The following FMR1 variants were observed in gnomAD, a reference collection of about 807,000 sequenced individuals.
FMR1 encodes the protein FMRP translational regulator 1.
In FMR1, 13 loss-of-function variants were observed where a neutral mutation model predicts 50.6. The ratio of observed to expected loss-of-function variants is 0.26; its 90% CI spans 0.17 to 0.41. FMR1 has a LOEUF of 0.41. FMR1 is among the 10% of genes least tolerant of loss of function. The pLI is 1.00. For missense variants in FMR1, 316 were observed against 491.3 expected (o/e 0.64, Z 3.37); for synonymous variants, 138 against 164.1 (o/e 0.84, Z 1.22).
intron 15 of FMR1, among the ~76,000 whole-genome samples, chrX:147,945,326 T>C (rs1022565256): frequency 1.8e-5 from 2 of 112,407 alleles, no homozygotes; most frequent in African/African-American, 3.2e-5. Context: ...CACATTGACC[T>C]GTAGATGCAG....
chrX:147,922,208 G>A lies in FMR1; in HGVS notation c.104+223G>A, dbSNP rs186087580. 1.2e-3 allele frequency among the ~76,000 whole-genome samples: 136 copies of A among 111,727 alleles called. 1 individual carries two copies. Among genetic ancestry groups the A allele is most frequent in the Non-Finnish European group, 1.4e-3 (75 of 53,018 alleles). ...CTTATTGTATGGTATTGATCCTTAC[G>A]TCTTAATTCCCTTGAATGTGAAGAA... On this transcript the variant is annotated intron_variant, in intron 2 of 16. Transcript: ENST00000370475.
At chrX:147,937,158 T>G (rs1273546366) in intron 10 of FMR1, among the ~76,000 whole-genome samples, 1 of 111,612 alleles carries the variant, frequency 9.0e-6, no homozygotes, top group Non-Finnish European at 1.9e-5. Context: ...TGTAGCAGCT[T>G]TTAAAGTATT....
In FMR1 at chrX:147,936,597, A is replaced by G; in HGVS notation, c.974A>G (p.Asn325Ser). The G allele has an allele frequency of 2.6e-6, 3 of 1,157,224 alleles. No homozygotes were observed. The highest frequency in any genetic ancestry group is 1.8e-5 in the South Asian group (1 of 55,790). Residue 325 changes from asparagine (N) to serine (S), a missense_variant, in exon 10 of 17, where the codon AAT (asparagine) becomes AGT (serine). Asn to Ser is a conservative substitution (Grantham distance 46). Around this residue, in one of 4 missense-constraint regions of FMR1, gnomAD observed 53 missense variants for 51.5 expected, o/e 1.03. Coordinates refer to ENST00000370475, the MANE Select transcript of FMR1 (RefSeq NM_002024.6). ...RVRIEAENEK[N>S]VPQEEEIMPP... ...AGGATTGAGGCTGAAAATGAGAAAA[A>G]TGTTCCACAAGAAGAGGTATGTTAC...
intron 1 of FMR1, chrX:147,913,108 G>A: frequency 7.0e-6 from 1 of 143,878 alleles, no homozygotes; most frequent in Non-Finnish European, 1.4e-5. Flanking sequence ...TATTACTAGG[G>A]CATTTTTTTT....
rs368581020 is a variant in FMR1, at chrX:147,918,555, C to CTTTTTTTTTT, written c.52-3362_52-3353dup. 2.8e-3 allele frequency among the ~76,000 whole-genome samples: 132 copies of CTTTTTTTTTT among 47,270 alleles called. 21 individuals are homozygous for CTTTTTTTTTT. The highest frequency in any genetic ancestry group is 0.011 in the African/African-American group (100 of 9,269). The allele number at this position is 47,270 out of a possible 115,157, so 41.0% of individuals were successfully genotyped here. On this transcript the variant is annotated intron_variant, in intron 1 of 16. Coordinates refer to ENST00000370475, the MANE Select transcript of FMR1 (RefSeq NM_002024.6). ...GAAATGCATTCAGAGCCTGCAAAAG[C>CTTTTTTTTTT]TTTTTTTTTTTTTTTTTTTTTTTTT...
chrX:147,948,547 G>A, intron 16 of FMR1, 136 bp from the exon 17 acceptor site: 1 of 1,128,405 alleles, frequency 8.9e-7, no homozygotes, highest in Non-Finnish European at 1.2e-6. Context: ...TTAATTTCTT[G>A]CACTTCTTCT....
At chrX:147,912,265 T>C in intron 1 of FMR1, 35 bp downstream of exon 1, 2 of 1,137,058 alleles carry the variant, frequency 1.8e-6, no homozygotes. Flanking sequence ...ATCTTCGCCC[T>C]TCCTTCCCTC....
intron 3 of FMR1, among the ~76,000 whole-genome samples, chrX:147,926,721 C>G (rs1169206701): frequency 9.0e-6 from 1 of 111,102 alleles, no homozygotes. Context: ...CTCCTGACCT[C>G]AGGTGATCCA....
chrX:147,944,460 G>T, intron 14 of FMR1: 1 of 753,299 alleles, frequency 1.3e-6, no homozygotes, highest in Non-Finnish European at 1.6e-6. Flanking sequence ...CTCTGTCCTG[G>T]GCCAAATCTT....
At chrX:147,918,488 A>T (rs1165938544) in intron 1 of FMR1, among the ~76,000 whole-genome samples, 8 of 105,268 alleles carry the variant, frequency 7.6e-5, no homozygotes, top group African/African-American at 2.8e-4. Flanking sequence ...TGATTACTCA[A>T]ACCATTTCTG....
intron 9 of FMR1, among the ~76,000 whole-genome samples, chrX:147,933,890 G>A (rs890730287): frequency 2.7e-5 from 3 of 112,143 alleles, no homozygotes; most frequent in Admixed American, 1.9e-4. Context: ...AATGATAAAT[G>A]TATCTCCCAA....
rs904109806 is a variant in FMR1, at chrX:147,945,619, A to G, written c.1737+3A>G. On this transcript the variant is annotated splice_donor_region_variant and intron_variant, in intron 16 of 16. Transcript: ENST00000370475. ...GAACAACAGATGGATCCCTTCAGGT[A>G]AAACCTGTCTGCCTCTTTTCATCTT... is the stretch of plus-strand genomic sequence containing the variant. The G allele has an allele frequency of 2.6e-6, 3 of 1,161,958 alleles. No individual in the cohort carries two copies. Among genetic ancestry groups the G allele is most frequent in the Non-Finnish European group, 3.5e-6 (3 of 851,227 alleles).
intron 9 of FMR1, 123 bp downstream of exon 9, chrX:147,932,886 T>G (rs2043652204): frequency 2.0e-6 from 1 of 496,081 alleles, no homozygotes; most frequent in Admixed American, 3.6e-5. Context: ...ACATAGTCTT[T>G]GAAATATGAT....
chrX:147,938,601 C>T lies in FMR1; in HGVS notation c.1188+440C>T, dbSNP rs1477114469. ...CCCTTGACTGGTTCAAGAGCCTTCC[C>T]CTTCTGTTTTGCAATGTGCTCACCC... On this transcript the variant is annotated intron_variant, in intron 12 of 16. Transcript: ENST00000370475. Among the ~76,000 whole-genome samples, 5 of 111,653 alleles carry T rather than the reference C, an allele frequency of 4.5e-5. No homozygotes were observed. The East Asian group carries it at 1.4e-3, about 31-fold the overall frequency.
chrX:147,937,758 T>C (rs1210320336), intron 11 of FMR1, among the ~76,000 whole-genome samples, 158 bp downstream of exon 11: 3 of 112,204 alleles, frequency 2.7e-5, no homozygotes, highest in Non-Finnish European at 5.6e-5. Flanking sequence ...TACAAATTAG[T>C]GTGATACATA....
At chrX:147,935,773 T>C (rs25715) in intron 9 of FMR1, among the ~76,000 whole-genome samples, 56,715 of 110,879 alleles carry the variant, frequency 0.51, 11,497 homozygotes, top group African/African-American at 0.75. Flanking sequence ...AATACTTAAA[T>C]TGGTTTAAAG....
chrX:147,939,951 G>T (rs184776596), intron 12 of FMR1, among the ~76,000 whole-genome samples: 2,196 of 101,335 alleles, frequency 0.022, 87 homozygotes, highest in African/African-American at 0.077. Context: ...CACGAGGTCA[G>T]GAGATCGAGA....
chrX:147,913,048 A>G (rs2042672489), intron 1 of FMR1: 2 of 210,794 alleles, frequency 9.5e-6, no homozygotes, highest in African/African-American at 5.8e-5. Context: ...TAAGTTTCCA[A>G]AGACCTAAAT....
At position 147,930,178 on chromosome X, in the gene FMR1, C is replaced by T; in HGVS notation, c.564C>T (p.His188=). ...GAGCACATATGCTGATTGACATGCA[C>T]TTTCGGAGTCTGCGCACTAAGTTGT... ...SKRAHMLIDM[H]FRSLRTKLSL... is the part of the protein sequence containing the mutation. Residue 188 remains histidine, a synonymous_variant, in exon 7 of 17, where the codon CAC becomes CAT. Transcript: ENST00000370475. The T allele has an allele frequency of 2.5e-6, 3 of 1,209,039 alleles. No individual in the cohort carries two copies. Among genetic ancestry groups the T allele is most frequent in the Non-Finnish European group, 3.4e-6 (3 of 893,175 alleles).
Sources: allele counts gnomAD v4.1 joint callset (sites outside exome capture counted in the v4.1 genomes callset), GRCh38; gene constraint gnomAD v4.1.1; regional missense constraint gnomAD v4.1.1; transcripts MANE v1.5; gene names NCBI Gene and HGNC (gene_info 2026-07-23, HGNC 2026-07-21).